SORT1: variants seen among roughly 807,000 people sequenced by gnomAD.
SORT1 encodes the protein sortilin 1.
A neutral mutation model predicts 101.7 loss-of-function variants in SORT1; 39 were observed. The ratio of observed to expected loss-of-function variants is 0.38; its 90% CI spans 0.30 to 0.50. The LOEUF (loss-of-function observed/expected upper bound fraction) is 0.50, where lower values mean the gene tolerates loss of function less well. Among genes scored for constraint, SORT1 ranks in the 20% least tolerant of loss-of-function variants. The pLI is 0.90. For missense variants in SORT1, 878 were observed against 1,040.4 expected (o/e 0.84, Z 2.15); for synonymous variants, 396 against 393.7 (o/e 1.01, Z -0.07).
At chr1:109,395,762 C>T (rs1653148993) in intron 1 of SORT1, among the ~76,000 whole-genome samples, 1 of 152,006 alleles carries the variant, frequency 6.6e-6, no homozygotes, top group Admixed American at 6.6e-5. Context: ...TCAAACTAAC[C>T]AGGAAGACTC....
rs528225610 is a variant in SORT1 at position 109,336,465 on chromosome 1, T to A, written c.1265-119A>T. ...TAGCACCTGGAGTCCGACAAGCTTG[T>A]AACACCTCACAAAACGGCTCATTGT... On this transcript the variant is annotated intron_variant, in intron 10 of 19. Transcript: ENST00000256637. 2.1e-5 allele frequency: 14 copies of A among 680,598 alleles called. No individual in the cohort carries two copies. In the East Asian group the frequency reaches 3.7e-4, roughly 18 times the overall value. 42.2% of individuals were successfully genotyped at this position (680,598 alleles called of 1,614,324 possible).
At chr1:109,373,539 A>G (rs1651627947) in intron 1 of SORT1, among the ~76,000 whole-genome samples, 1 of 152,148 alleles carries the variant, frequency 6.6e-6, no homozygotes, top group Admixed American at 6.5e-5. Flanking sequence ...GTTACCAGCA[A>G]CCATAATAGG....
At chr1:109,328,315 G>T (rs944539166) in intron 11 of SORT1, among the ~76,000 whole-genome samples, 2 of 152,170 alleles carry the variant, frequency 1.3e-5, no homozygotes, top group African/African-American at 4.8e-5. Context: ...GAACTACTAT[G>T]CTGTTTTCTG....
At chr1:109,332,819 C>G (rs781137979) in intron 11 of SORT1, among the ~76,000 whole-genome samples, 4 of 152,164 alleles carry the variant, frequency 2.6e-5, no homozygotes, top group Non-Finnish European at 5.9e-5. Flanking sequence ...CATTTATTGT[C>G]AACTTAACTT....
chr1:109,336,791 A>G (rs1463345179), intron 10 of SORT1, among the ~76,000 whole-genome samples: 1 of 148,160 alleles, frequency 6.7e-6, no homozygotes, highest in Non-Finnish European at 1.5e-5. Context: ...CCTGGGCAAC[A>G]AGAGCAAAAC....
At chr1:109,330,369 G>T (rs115853467) in intron 11 of SORT1, among the ~76,000 whole-genome samples, 1 of 152,006 alleles carries the variant, frequency 6.6e-6, no homozygotes, top group East Asian at 1.9e-4. Context: ...ACATGAATGT[G>T]GAAATTGAAC....
chr1:109,397,704 G>T lies in SORT1; in HGVS notation c.189C>A (p.Ala63=). 8.4e-7 allele frequency: 1 copy of T among 1,190,338 alleles called. No individual in the cohort carries two copies. Among genetic ancestry groups the T allele is most frequent in the South Asian group, 2.7e-5 (1 of 36,542 alleles). The allele number at this position is 1,190,338 out of a possible 1,614,324, so 73.7% of individuals were successfully genotyped here. A position where few individuals can be genotyped will look rare whatever the true frequency, so the allele number is the denominator to read the frequency against. Residue 63 remains alanine, a synonymous_variant, in exon 1 of 20, where the codon GCC becomes GCA. Coordinates refer to ENST00000256637, the MANE Select transcript of SORT1 (RefSeq NM_002959.7). The stretch of plus-strand genomic sequence containing the variant: ...CGCGGGGAAACGCGCCCCCGGCTGC[G>T]GCCGCCCGCAGCCCCCAGCTCACCC... ...PIGVSWGLRA[A]AAGGAFPRGG...
chr1:109,337,996 C>T (rs954652026), intron 10 of SORT1, among the ~76,000 whole-genome samples: 2 of 152,040 alleles, frequency 1.3e-5, no homozygotes, highest in Non-Finnish European at 2.9e-5. Flanking sequence ...AAATACATTC[C>T]GGTAGGGCGA....
intron 1 of SORT1, among the ~76,000 whole-genome samples, chr1:109,375,168 GCGA>G (rs950640704): frequency 8.5e-5 from 13 of 152,298 alleles, no homozygotes; most frequent in Admixed American, 6.5e-5. Context: ...CTACAGCTCA[GCGA>G]TGGCTCTGTT....
intron 11 of SORT1, among the ~76,000 whole-genome samples, chr1:109,334,212 C>G (rs1485322989): frequency 6.6e-6 from 1 of 152,094 alleles, no homozygotes; most frequent in Non-Finnish European, 1.5e-5. Flanking sequence ...GGTTCATATT[C>G]AAGAGAAATG....
Position 109,326,980 on chromosome 1 carries a change from G to C in SORT1, c.1643+12C>G. On this transcript the variant is annotated intron_variant, in intron 13 of 19. Coordinates refer to ENST00000256637, the MANE Select transcript of SORT1 (RefSeq NM_002959.7). ...TATGCAGACAGTGTGTGTGAGATGA[G>C]TTCATGCATACTTAATCACATTGAT... 1 of 1,605,318 alleles carries C rather than the reference G, an allele frequency of 6.2e-7. No individual in the cohort carries two copies. Among genetic ancestry groups the C allele is most frequent in the South Asian group, 1.1e-5 (1 of 90,386 alleles).
chr1:109,314,618 G>T (rs1398229793), intron 18 of SORT1, 54 bp downstream of exon 18: 2 of 1,293,512 alleles, frequency 1.5e-6, no homozygotes, highest in Non-Finnish European at 1.1e-6. Flanking sequence ...ATATGCCCTA[G>T]ATCAGCCTTC....
At chr1:109,377,337 C>G (rs2101639858) in intron 1 of SORT1, among the ~76,000 whole-genome samples, 1 of 152,320 alleles carries the variant, frequency 6.6e-6, no homozygotes, top group East Asian at 1.9e-4. Context: ...AAGTCTATCA[C>G]AAACTCCTGC....
At chr1:109,375,118 A>G (rs538796265) in intron 1 of SORT1, among the ~76,000 whole-genome samples, 1 of 152,374 alleles carries the variant, frequency 6.6e-6, no homozygotes, top group South Asian at 2.1e-4. Flanking sequence ...ATCAATTCAG[A>G]AGATGTTCTA....
intron 10 of SORT1, among the ~76,000 whole-genome samples, chr1:109,338,731 T>C (rs927078208): frequency 2.6e-5 from 4 of 152,170 alleles, no homozygotes; most frequent in African/African-American, 7.2e-5. Flanking sequence ...TCACTCCTAG[T>C]TCTATTTATC....
At chr1:109,355,329 T>C (rs745893845) in intron 4 of SORT1, 38 bp downstream of exon 4, 85 of 1,008,178 alleles carry the variant, frequency 8.4e-5, no homozygotes, top group Non-Finnish European at 8.9e-5. Flanking sequence ...GCATGTGGTA[T>C]CAAGCACAAG....
At chr1:109,378,739 TATATATATATATATATATATATAA>T (rs1652030109) in intron 1 of SORT1, among the ~76,000 whole-genome samples, 2 of 87,978 alleles carry the variant, frequency 2.3e-5, no homozygotes, top group Non-Finnish European at 4.6e-5. Flanking sequence ...TATATATATA[TATATATATATATATATATATATAA>T]AGATGTTATG....
chr1:109,390,823 AG>A (rs1192408137), intron 1 of SORT1, among the ~76,000 whole-genome samples: 4 of 151,752 alleles, frequency 2.6e-5, no homozygotes, highest in Non-Finnish European at 4.4e-5. Context: ...TAGGACATAC[AG>A]GAAGACTAAA....
At chr1:109,333,832 T>C (rs554856845) in intron 11 of SORT1, among the ~76,000 whole-genome samples, 21 of 152,264 alleles carry the variant, frequency 1.4e-4, no homozygotes, top group African/African-American at 4.3e-4. Flanking sequence ...TGCAATACCG[T>C]AAGAAATTTT....
Sources: gnomAD v4.1 joint callset for allele counts (sites outside exome capture counted in the v4.1 genomes callset) on GRCh38, gnomAD v4.1.1 for gene constraint, MANE v1.5 for transcripts, NCBI Gene and HGNC (gene_info 2026-07-23, HGNC 2026-07-21) for gene names.